Variants in NEBL observed in about 807,000 individuals in gnomAD.
NEBL encodes nebulette, also known as LIM and SH3 protein 2.
In NEBL, 122 loss-of-function variants were observed where a neutral mutation model predicts 140.2. The ratio of observed to expected loss-of-function variants is 0.87; its 90% confidence interval spans 0.75 to 1.01. The LOEUF is 1.01. NEBL is among the 50% of genes least tolerant of loss of function. The pLI is 0.00. For synonymous variants in NEBL, 436 were observed against 398.9 expected, an observed-to-expected ratio of 1.09 and a Z score of -1.11; for missense variants, 1,365 against 1,231.3, an observed-to-expected ratio of 1.11 and a Z score of -1.62.
chr10:20,930,231 C>T (rs7084909), intron 4 of NEBL, among the ~76,000 whole-genome samples: 25,809 of 152,126 alleles, frequency 0.17, 2,759 homozygotes, highest in African/African-American at 0.3. Flanking sequence ...CACTCATTTA[C>T]TAGAAACAAA....
At chr10:21,094,094 C>T (rs951175209) in intron 2 of NEBL, among the ~76,000 whole-genome samples, 2 of 152,160 alleles carry the variant, frequency 1.3e-5, no homozygotes, top group East Asian at 1.9e-4. Flanking sequence ...TGGTAGCTCA[C>T]GCTTGTAATG....
In NEBL at chr10:21,288,837, TATATATATATATAA is replaced by T. The variant is rs1564556736; in HGVS notation, n.182+3979_182+3992del. On this transcript the variant is annotated intron_variant and non_coding_transcript_variant, in intron 1 of 8. Coordinates refer to the NEBL transcript ENST00000675702. The stretch of plus-strand genomic sequence containing the variant: ...GTGTGTGTGTATATATATATATATA[TATATATATATATAA>T]AAATTTTTTTTTTTTGAGACGGAGT... Among the ~76,000 whole-genome samples, 770 of 88,420 alleles carry T rather than the reference TATATATATATATAA, an allele frequency of 8.7e-3. 34 individuals are homozygous for T. The highest frequency in any genetic ancestry group is 0.03 in the African/African-American group (722 of 24,212). The allele number at this position is 88,420 out of a possible 152,430, so 58.0% of individuals were successfully genotyped here. A position where few individuals can be genotyped will look rare whatever the true frequency, so the allele number is the denominator to read the frequency against.
chr10:21,023,027 C>G (rs1838861824), intron 2 of NEBL, among the ~76,000 whole-genome samples: 1 of 152,206 alleles, frequency 6.6e-6, no homozygotes, highest in Non-Finnish European at 1.5e-5. Context: ...AGGCAGACAA[C>G]TCTGGTGTGT....
intron 2 of NEBL, among the ~76,000 whole-genome samples, chr10:21,164,884 A>G (rs1014841451): frequency 6.6e-6 from 1 of 152,168 alleles, no homozygotes; most frequent in African/African-American, 2.4e-5. Context: ...ATACTGTGTC[A>G]AGGGGCAAAG....
chr10:21,088,107 AC>A (rs1313344127), intron 2 of NEBL, among the ~76,000 whole-genome samples: 1 of 151,998 alleles, frequency 6.6e-6, no homozygotes, highest in African/African-American at 2.4e-5. Flanking sequence ...ATCAGGAATC[AC>A]CCCTGGGTCT....
chr10:21,117,617 T>G (rs990113476), intron 2 of NEBL, among the ~76,000 whole-genome samples: 1 of 152,200 alleles, frequency 6.6e-6, no homozygotes, highest in Non-Finnish European at 1.5e-5. Flanking sequence ...TTGCCTAATG[T>G]CTGACAACTG....
chr10:21,117,717 C>G (rs1252231664), intron 2 of NEBL, among the ~76,000 whole-genome samples: 1 of 152,148 alleles, frequency 6.6e-6, no homozygotes, highest in Non-Finnish European at 1.5e-5. Context: ...CTGAACGCAT[C>G]TCTCTATAGC....
chr10:20,883,017 G>T (rs1007968281), intron 4 of NEBL, among the ~76,000 whole-genome samples: 1 of 152,096 alleles, frequency 6.6e-6, no homozygotes, highest in East Asian at 1.9e-4. Context: ...CTCCAGACTC[G>T]CAGTATGGAT....
chr10:20,988,946 C>T (rs1331546069), intron 3 of NEBL, among the ~76,000 whole-genome samples: 1 of 152,202 alleles, frequency 6.6e-6, no homozygotes, highest in Non-Finnish European at 1.5e-5. Context: ...GCATGGCACA[C>T]ATTAGGTACT....
chr10:21,035,001 T>C (rs1419601305), intron 2 of NEBL, among the ~76,000 whole-genome samples: 1 of 151,332 alleles, frequency 6.6e-6, no homozygotes, highest in African/African-American at 2.4e-5. Context: ...TGAGACAGAG[T>C]CTCACTCCAT....
At chr10:21,029,269 C>A (rs1341549665) in intron 2 of NEBL, 1 of 1,593,822 alleles carries the variant, frequency 6.3e-7, no homozygotes, top group African/African-American at 1.3e-5. Flanking sequence ...GAGCTTTCTT[C>A]CCAAATCGCC....
At chr10:21,029,140 G>C (rs1833670478) in intron 2 of NEBL, 1 of 1,310,692 alleles carries the variant, frequency 7.6e-7, no homozygotes, top group Non-Finnish European at 1.1e-6. Flanking sequence ...AGATGACCTG[G>C]AAGGAGATGT....
chr10:20,802,842 T>C (rs1014857216), intron 26 of NEBL, among the ~76,000 whole-genome samples: 22 of 152,162 alleles, frequency 1.4e-4, no homozygotes, highest in African/African-American at 4.3e-4. Context: ...AAACACATTC[T>C]TACACATAGA....
intron 4 of NEBL, among the ~76,000 whole-genome samples, chr10:20,916,884 G>A (rs1037284639): frequency 6.6e-5 from 10 of 151,932 alleles, no homozygotes; most frequent in African/African-American, 2.4e-4. Context: ...ATTGACATGG[G>A]GAAAAAAGTT....
At chr10:21,249,021 TG>T (rs1379984349) in intron 2 of NEBL, among the ~76,000 whole-genome samples, 2 of 100,118 alleles carry the variant, frequency 2.0e-5, no homozygotes, top group Non-Finnish European at 4.1e-5. Flanking sequence ...TGGGTGTTTT[TG>T]TTTTTGTTTT....
chr10:20,787,445 G>C (rs1422403088), intron 26 of NEBL, 137 bp from the exon 27 acceptor site: 4 of 729,076 alleles, frequency 5.5e-6, no homozygotes, highest in Non-Finnish European at 9.8e-6. Context: ...TGAAATTTAA[G>C]TTGCAGTGTT....
At position 21,173,940 on chromosome 10, in the gene NEBL, C is replaced by A. The variant is rs113394390; in HGVS notation, c.-107G>T. 7,386 of 1,392,060 alleles carry A rather than the reference C, an allele frequency of 5.3e-3. 382 individuals are homozygous for A. The African/African-American group carries it at 0.099, about 19-fold the overall frequency. The allele number at this position is 1,392,060 out of a possible 1,614,324, so 86.2% of individuals were successfully genotyped here. A position where few individuals can be genotyped will look rare whatever the true frequency, so the allele number is the denominator to read the frequency against. ...CGCCTCCTGGCAGGCGGGAGGGCTG[C>A]GGGCGGCGGGCGCCGGGTAGGGAGT... On this transcript the variant is annotated 5_prime_UTR_variant, in exon 1 of 7. Transcript: ENST00000417816. This position sits in a 1 kb window ranked among gnomAD's most constrained non-coding sequence, Gnocchi z 5.7.
chr10:21,183,274 G>A (rs879748578), intron 3 of NEBL, among the ~76,000 whole-genome samples: 1 of 152,168 alleles, frequency 6.6e-6, no homozygotes, highest in Non-Finnish European at 1.5e-5. Context: ...GGGCAGAGAG[G>A]GAGGAAGATG....
intron 1 of NEBL, among the ~76,000 whole-genome samples, chr10:21,259,914 C>G (rs1440011476): frequency 6.6e-6 from 1 of 152,176 alleles, no homozygotes; most frequent in Non-Finnish European, 1.5e-5. Flanking sequence ...GCATGTCACC[C>G]TGAAGGCAGT....
Sources: allele counts gnomAD v4.1 joint callset (sites outside exome capture counted in the v4.1 genomes callset), GRCh38; gene constraint gnomAD v4.1.1; non-coding constraint Gnocchi (gnomAD v3.1); transcripts MANE v1.5; gene names NCBI Gene and HGNC (gene_info 2026-07-23, HGNC 2026-07-21).